GNG3: variants seen among roughly 807,000 people sequenced by gnomAD.
GNG3 encodes guanine nucleotide-binding protein G(I)/G(S)/G(O) subunit gamma-3.
Under a neutral mutation model 5.6 loss-of-function variants are expected in GNG3, and 4 were observed. The observed-to-expected ratio is 0.71, with a 90% CI of 0.35 to 1.63. GNG3 has a LOEUF of 1.63. Among genes scored for constraint, GNG3 ranks in the 40% most tolerant of loss-of-function variants. The pLI is 0.05. For synonymous variants in GNG3, 30 were observed against 33.5 expected, an observed-to-expected ratio of 0.89 and a Z score of 0.36; for missense variants, 62 against 96.6, an observed-to-expected ratio of 0.64 and a Z score of 1.50.
At chr11:62,707,478 C>T (rs1204706647), upstream of GNG3, 9 of 657,728 alleles carry the variant, frequency 1.4e-5, no homozygotes, top group Non-Finnish European at 1.9e-5. Context: ...CGTCATAGGC[C>T]CAGACCACGC....
upstream of GNG3, chr11:62,707,434 C>T (rs2083560739): frequency 4.3e-6 from 3 of 697,818 alleles, no homozygotes; most frequent in East Asian, 5.4e-5. Context: ...TGAGCAGGGT[C>T]CCCCGCAGCC....
upstream of GNG3, chr11:62,707,357 G>T: frequency 1.4e-6 from 1 of 738,364 alleles, no homozygotes; most frequent in Non-Finnish European, 2.4e-6. Context: ...GGTGCTAAGT[G>T]CTGTGTCAGA....
chr11:62,708,519 C>T, intron 2 of GNG3, 125 bp downstream of exon 2: 1 of 1,234,520 alleles, frequency 8.1e-7, no homozygotes, highest in Non-Finnish European at 1.2e-6. Context: ...GAGTCTGGGG[C>T]TCTGTAGAGA....
At chr11:62,708,460 C>T in intron 2 of GNG3, 66 bp downstream of exon 2, 4 of 1,324,172 alleles carry the variant, frequency 3.0e-6, no homozygotes, top group Non-Finnish European at 3.3e-6. Context: ...GTTCCCAAAG[C>T]TCAAGATAAG....
upstream of GNG3, chr11:62,707,544 C>T: frequency 1.7e-6 from 1 of 601,816 alleles, no homozygotes; most frequent in Non-Finnish European, 3.0e-6. Context: ...GTCTCTAGCC[C>T]AGAGTCAGGA....
chr11:62,708,465 G>A, intron 2 of GNG3, 71 bp downstream of exon 2: 1 of 1,279,912 alleles, frequency 7.8e-7, no homozygotes, highest in Admixed American at 1.7e-5. Flanking sequence ...CAAAGCTCAA[G>A]ATAAGAGATG....
upstream of GNG3, chr11:62,707,110 T>C: frequency 6.4e-7 from 1 of 1,552,992 alleles, no homozygotes; most frequent in East Asian, 2.4e-5. Flanking sequence ...GGCCCCTACC[T>C]CCTCTTTGTC....
rs898623017 is a variant in GNG3 at position 62,709,169 on chromosome 11, G to A, written c.*363G>A. ...CACCTGGAGCTACTGGGAGGGTAAA[G>A]CCATTTGAAGAATAAAGTCATCCAG... is the stretch of plus-strand genomic sequence containing the variant. On this transcript the variant is annotated 3_prime_UTR_variant, in exon 3 of 3. Transcript: ENST00000294117. The A allele has an allele frequency of 6.5e-6, 3 of 464,620 alleles. No individual in the cohort carries two copies. The highest frequency in any genetic ancestry group is 4.3e-6 in the Non-Finnish European group (1 of 233,844). The allele number at this position is 464,620 out of a possible 1,614,324, so 28.8% of individuals were successfully genotyped here. A position where few individuals can be genotyped will look rare whatever the true frequency, so the allele number is the denominator to read the frequency against.
upstream of GNG3, chr11:62,707,012 A>G (rs531806548): frequency 1.9e-5 from 20 of 1,068,966 alleles, no homozygotes; most frequent in Non-Finnish European, 2.5e-5. Flanking sequence ...TTCAAAATGA[A>G]TGAAATTCTT....
chr11:62,706,618 C>T, upstream of GNG3: 1 of 471,656 alleles, frequency 2.1e-6, no homozygotes, highest in South Asian at 1.5e-5. Flanking sequence ...CACACCTTCA[C>T]CACAGGCCAT....
chr11:62,708,775 G>A lies in GNG3; in HGVS notation c.197G>A (p.Arg66Gln). The A allele has an allele frequency of 6.2e-7, 1 of 1,613,998 alleles. No homozygotes were observed. Residue 66 changes from arginine (R) to glutamine (Q), a missense_variant, in exon 3 of 3, where the codon CGG becomes CAG. Arg to Gln is a conservative substitution (Grantham distance 43). Around this residue, in one of 2 missense-constraint regions of GNG3, gnomAD observed 4 missense variants for 21.2 expected, o/e 0.19. Transcript: ENST00000294117. ...GTGCCCACTTCGGAGAACCCCTTCC[G>A]GGAGAAGAAGTTCTTCTGTGCTCTC... ...TPVPTSENPF[R>Q]EKKFFCALL
chr11:62,707,572 G>A, upstream of GNG3: 10 of 584,298 alleles, frequency 1.7e-5, no homozygotes, highest in Admixed American at 3.0e-5. Context: ...AATGGGGGAG[G>A]GGCAGGCAGT....
upstream of GNG3, chr11:62,706,604 C>T: frequency 2.1e-6 from 1 of 470,330 alleles, no homozygotes; most frequent in Non-Finnish European, 4.4e-6. Context: ...CACAGCCCTC[C>T]GTGCACACCT....
In GNG3 at chr11:62,708,797, T is replaced by C. The variant is rs750356285; in HGVS notation, c.219T>C (p.Ala73=). The change falls in exon 3 of 3, where the codon GCT becomes GCC. Residue 73 remains alanine, a synonymous_variant. Transcript: ENST00000294117. ...TCCGGGAGAAGAAGTTCTTCTGTGC[T>C]CTCCTCTGAGCTCCCCTGTCCCTTC... ...NPFREKKFFC[A]LL 4 of 1,613,362 alleles carry C rather than the reference T, an allele frequency of 2.5e-6. No individual in the cohort carries two copies. The highest frequency in any genetic ancestry group is 3.4e-6 in the Non-Finnish European group (4 of 1,179,406).
intron 2 of GNG3, 42 bp downstream of exon 2, chr11:62,708,436 G>C: frequency 7.1e-7 from 1 of 1,415,004 alleles, no homozygotes; most frequent in South Asian, 1.1e-5. Flanking sequence ...TGGCCAGGCT[G>C]TGCTGTGCTG....
upstream of GNG3, chr11:62,707,255 T>C (rs780285917): frequency 5.6e-6 from 8 of 1,434,398 alleles, no homozygotes; most frequent in Non-Finnish European, 6.7e-6. Flanking sequence ...GGCTAAAACG[T>C]GAAGTGGCGA....
At chr11:62,708,224 T>C (rs1167773341) in intron 1 of GNG3, 71 bp from the exon 2 acceptor site, 7 of 942,812 alleles carry the variant, frequency 7.4e-6, no homozygotes, top group African/African-American at 1.6e-5. Context: ...CTTGTAAAGG[T>C]TGGTGTGGAG....
At chr11:62,708,241 T>C in intron 1 of GNG3, 54 bp from the exon 2 acceptor site, 1 of 1,153,708 alleles carries the variant, frequency 8.7e-7, no homozygotes, top group Admixed American at 1.7e-5. Flanking sequence ...GGAGTGAGCA[T>C]GGAGGGGGGC....
rs2083587176 is a variant in GNG3, at chr11:62,708,901, C to T, written c.*95C>T. Reference sequence around the variant, plus strand: ...TGTGAGCCCCTTAGGCTCCTTGCATCCCATCCCTAACCCTTGCCTGACCAT... The same window carrying T: ...TGTGAGCCCCTTAGGCTCCTTGCATTCCATCCCTAACCCTTGCCTGACCAT... On this transcript the variant is annotated 3_prime_UTR_variant, in exon 3 of 3. Transcript: ENST00000294117. 1 of 932,178 alleles carries T rather than the reference C, an allele frequency of 1.1e-6. No individual in the cohort carries two copies. Among genetic ancestry groups the T allele is most frequent in the East Asian group, 2.4e-5 (1 of 41,520 alleles). 57.7% of individuals were successfully genotyped at this position (932,178 alleles called of 1,614,324 possible). A position where few individuals can be genotyped will look rare whatever the true frequency, so the allele number is the denominator to read the frequency against.
Sources: allele counts gnomAD v4.1 joint callset, GRCh38; gene constraint gnomAD v4.1.1; regional missense constraint gnomAD v4.1.1; transcripts MANE v1.5; gene names NCBI Gene and HGNC (gene_info 2026-07-23, HGNC 2026-07-21).